MRPS7: variants seen among roughly 807,000 people sequenced by gnomAD.
The protein encoded by MRPS7 is small ribosomal subunit protein uS7m.
MRPS7 carries 13 observed loss-of-function variants against 26.2 expected under a neutral mutation model. The ratio of observed to expected loss-of-function variants is 0.50; its 90% CI spans 0.32 to 0.79. The LOEUF (loss-of-function observed/expected upper bound fraction) is 0.79, where lower values mean the gene tolerates loss of function less well. MRPS7 is among the 30% of genes least tolerant of loss of function. The pLI is 0.03. For synonymous variants in MRPS7, 129 were observed against 113.3 expected (o/e 1.14, Z -0.88); for missense variants, 318 against 312.2 (o/e 1.02, Z -0.14).
rs755590463 is a variant in MRPS7, at chr17:75,261,926, C to T, written c.26C>T (p.Ala9Val). Reference sequence around the variant, plus strand: ...ATGGCTGCCCCCGCAGTGAAGGTTGCCCGAGGATGGTCGGGCCTGGCGTTG... The same window carrying T: ...ATGGCTGCCCCCGCAGTGAAGGTTGTCCGAGGATGGTCGGGCCTGGCGTTG... MAAPAVKV[A>V]RGWSGLALGV... The change falls in exon 1 of 5, where the codon GCC (alanine) becomes GTC (valine). Residue 9 changes from alanine to valine, a missense_variant. Coordinates refer to ENST00000245539, the MANE Select transcript of MRPS7 (RefSeq NM_015971.4). 6 of 1,609,126 alleles carry T rather than the reference C, an allele frequency of 3.7e-6. No individual in the cohort carries two copies. Among genetic ancestry groups the T allele is most frequent in the Non-Finnish European group, 4.2e-6 (5 of 1,179,862 alleles).
chr17:75,263,741 T>TGTG (rs2077445434), intron 4 of MRPS7: 1 of 522,970 alleles, frequency 1.9e-6, no homozygotes, highest in African/African-American at 1.9e-5. Flanking sequence ...ATTAGCCAGG[T>TGTG]GTGGTGGTGT....
At chr17:75,263,662 T>A in intron 4 of MRPS7, 155 bp downstream of exon 4, 2 of 980,986 alleles carry the variant, frequency 2.0e-6, no homozygotes, top group Non-Finnish European at 3.0e-6. Flanking sequence ...GCAGGATAGC[T>A]TGAGCTCAGG....
At chr17:75,262,178 C>A in intron 1 of MRPS7, 195 bp downstream of exon 1, 1 of 705,852 alleles carries the variant, frequency 1.4e-6, no homozygotes, top group Non-Finnish European at 2.3e-6. Context: ...TCTGGCTGAT[C>A]TAGGGTTCTA....
chr17:75,263,558 GA>G (rs761263337), intron 4 of MRPS7, 51 bp downstream of exon 4: 1 of 1,607,208 alleles, frequency 6.2e-7, no homozygotes, highest in East Asian at 2.2e-5. Context: ...TGTGAAACAA[GA>G]TAGGTGGTGC....
intron 1 of MRPS7, 102 bp downstream of exon 1, chr17:75,262,085 G>C: frequency 7.4e-7 from 1 of 1,357,114 alleles, no homozygotes; most frequent in South Asian, 1.2e-5. Context: ...CTGGGGGCCG[G>C]AGTATCTGGA....
intron 3 of MRPS7, chr17:75,263,129 AC>A: frequency 1.2e-5 from 7 of 571,508 alleles, no homozygotes; most frequent in Non-Finnish European, 1.8e-5. Flanking sequence ...CTCACCCCCC[AC>A]CCCCTCCATG....
At position 75,262,023 on chromosome 17, in the gene MRPS7, G is replaced by A. The variant is rs764641094; in HGVS notation, c.83+40G>A. Reference sequence around the variant, plus strand: ...AGCAGCGGCGGGGGGGCGCTGCGAGGAAGGAAGGGGGCCACAGGCAGGCCG... The same window carrying A: ...AGCAGCGGCGGGGGGGCGCTGCGAGAAAGGAAGGGGGCCACAGGCAGGCCG... On this transcript the variant is annotated intron_variant, in intron 1 of 4. Transcript: ENST00000245539. The A allele has an allele frequency of 1.4e-5, 22 of 1,598,368 alleles. 1 individual carries two copies. The South Asian group carries it at 2.3e-4, about 17-fold the overall frequency.
In MRPS7 at chr17:75,262,496, G is replaced by C. The variant is rs1259611017; in HGVS notation, c.84-1G>C. 1 of 1,613,304 alleles carries C rather than the reference G, an allele frequency of 6.2e-7. No homozygotes were observed. ...TGCCTCCTCCTTTCCCCCCCTCCCA[G>C]GCTAACTCAGGTGAGATGGAGCCGC... On this transcript the variant is annotated splice_acceptor_variant, in intron 1 of 4. Transcript: ENST00000245539. LOFTEE classifies it high-confidence loss of function.
In MRPS7 at chr17:75,262,483, T is replaced by C. The variant is rs200027069; in HGVS notation, c.84-14T>C. On this transcript the variant is annotated splice_polypyrimidine_tract_variant and intron_variant, in intron 1 of 4. Coordinates refer to ENST00000245539, the MANE Select transcript of MRPS7 (RefSeq NM_015971.4). ...GTCAGCTTTTGCCTGCCTCCTCCTT[T>C]CCCCCCCTCCCAGGCTAACTCAGGT... The C allele has an allele frequency of 2.3e-4, 369 of 1,611,446 alleles. No individual in the cohort carries two copies. Among genetic ancestry groups the C allele is most frequent in the Non-Finnish European group, 2.8e-4 (329 of 1,178,274 alleles).
chr17:75,263,254 A>G, intron 3 of MRPS7, 86 bp from the exon 4 acceptor site: 1 of 1,521,538 alleles, frequency 6.6e-7, no homozygotes, highest in South Asian at 1.2e-5. Context: ...GAACCAGAGG[A>G]TGGGAGTAAA....
Position 75,265,877 on chromosome 17 carries a change from A to G in MRPS7, c.683A>G (p.Lys228Arg). 6.2e-7 allele frequency: 1 copy of G among 1,614,102 alleles called. No homozygotes were observed. The highest frequency in any genetic ancestry group is 8.5e-7 in the Non-Finnish European group (1 of 1,180,046). ...ATCAAGAGGAAGCATGACTTGCACA[A>G]GATGGCAGAGGCCAACCGTGCCCTG... The part of the protein sequence containing the change: ...PVIKRKHDLH[K>R]MAEANRALAH... The change falls in exon 5 of 5, where the codon AAG (lysine) becomes AGG (arginine). Residue 228 changes from lysine (K) to arginine (R), a missense_variant. Transcript: ENST00000245539.
At chr17:75,263,687 A>G (rs551987855) in intron 4 of MRPS7, 180 bp downstream of exon 4, 2 of 750,918 alleles carry the variant, frequency 2.7e-6, no homozygotes, top group African/African-American at 1.8e-5. Flanking sequence ...AAGAGACAGC[A>G]GGGCAACATA....
At chr17:75,263,138 A>G in intron 3 of MRPS7, 1 of 619,564 alleles carries the variant, frequency 1.6e-6, no homozygotes, top group Non-Finnish European at 2.7e-6. Context: ...CACCCCCTCC[A>G]TGCCACAAAT....
rs189977634 is a variant in MRPS7 at position 75,262,108 on chromosome 17, A to T, written c.83+125A>T. On this transcript the variant is annotated intron_variant, in intron 1 of 4. Transcript: ENST00000245539. ...CGGAGTATCTGGATTCAAGCTTCTA[A>T]GTTAGCTGCGTGACCCTGCGCCAAT... is the stretch of plus-strand genomic sequence containing the variant. 2.6e-5 allele frequency: 30 copies of T among 1,170,432 alleles called. 1 individual carries two copies. In the Admixed American group the frequency reaches 6.9e-4, roughly 27 times the overall value. The allele number at this position is 1,170,432 out of a possible 1,614,324, so 72.5% of individuals were successfully genotyped here.
intron 4 of MRPS7, chr17:75,263,882 G>GA (rs61513124): frequency 0.2 from 19,380 of 97,746 alleles, 2,949 homozygotes; most frequent in African/African-American, 0.33. Context: ...CCTTGTCTCA[G>GA]AAAAAAAAAA....
At position 75,262,517 on chromosome 17, in the gene MRPS7, G is replaced by A. The variant is rs756470821; in HGVS notation, c.104G>A (p.Ser35Asn). 2 of 1,614,062 alleles carry A rather than the reference G, an allele frequency of 1.2e-6. No individual in the cohort carries two copies. Among genetic ancestry groups the A allele is most frequent in the South Asian group, 2.2e-5 (2 of 91,086 alleles). The change falls in exon 2 of 5, where the codon AGC becomes AAC. Residue 35 changes from serine to asparagine, a missense_variant. Transcript: ENST00000245539. ...QLPGLTQVRWSRYSPEFKDPL... is the reference protein window; with the variant it reads ...QLPGLTQVRWNRYSPEFKDPL... ...CCCAGGCTAACTCAGGTGAGATGGA[G>A]CCGCTATAGTCCTGAATTCAAGGAT...
chr17:75,263,247 C>T lies in MRPS7; in HGVS notation c.340-93C>T, dbSNP rs950150764. 6 of 1,492,924 alleles carry T rather than the reference C, an allele frequency of 4.0e-6. No individual in the cohort carries two copies. In the Admixed American group the frequency reaches 7.5e-5, roughly 19 times the overall value. 92.5% of individuals were successfully genotyped at this position (1,492,924 alleles called of 1,614,324 possible). On this transcript the variant is annotated intron_variant, in intron 3 of 4. Coordinates refer to ENST00000245539, the MANE Select transcript of MRPS7 (RefSeq NM_015971.4). ...GAGGAGCTGCATTGCCAGCGCAGAACCAGAGGATGGGAGTAAAGGGCAAGG... is the reference window on the plus strand; with the variant it reads ...GAGGAGCTGCATTGCCAGCGCAGAATCAGAGGATGGGAGTAAAGGGCAAGG...
chr17:75,263,692 A>G (rs1396674868), intron 4 of MRPS7, 185 bp downstream of exon 4: 1 of 745,334 alleles, frequency 1.3e-6, no homozygotes, highest in African/African-American at 1.8e-5. Flanking sequence ...ACAGCAGGGC[A>G]ACATAGGGAG....
In MRPS7 at chr17:75,265,787, G is replaced by A. The variant is rs35418346; in HGVS notation, c.593G>A (p.Arg198Gln). The A allele has an allele frequency of 4.2e-3, 6,814 of 1,614,170 alleles. 25 individuals are homozygous for A. The highest frequency in any genetic ancestry group is 4.9e-3 in the Non-Finnish European group (5,824 of 1,180,038). Residue 198 changes from arginine (R) to glutamine (Q), a missense_variant, in exon 5 of 5, where the codon CGG becomes CAG. By Grantham distance (43) the Arg-to-Gln change is conservative. Coordinates refer to ENST00000245539, the MANE Select transcript of MRPS7 (RefSeq NM_015971.4). ...ITECRDKKHQ[R>Q]TLMPEKLSHK... ...GAGTGCCGGGATAAAAAGCACCAGCGGACACTGATGCCGGAGAAGCTGTCA... is the reference window on the plus strand; with the variant it reads ...GAGTGCCGGGATAAAAAGCACCAGCAGACACTGATGCCGGAGAAGCTGTCA...
Sources: gnomAD v4.1 joint callset for allele counts on GRCh38, gnomAD v4.1.1 for gene constraint, MANE v1.5 for transcripts, NCBI Gene and HGNC (gene_info 2026-07-23, HGNC 2026-07-21) for gene names.